The following RALGAPA1 variants were observed in gnomAD, a reference collection of about 807,000 sequenced individuals.
The protein encoded by RALGAPA1 is Ral GTPase activating protein catalytic subunit alpha 1.
In RALGAPA1, 52 loss-of-function variants were observed where a neutral mutation model predicts 269.6. The ratio of observed to expected loss-of-function variants is 0.19; its 90% CI spans 0.15 to 0.24. The LOEUF is 0.24. Ranked by LOEUF, RALGAPA1 falls within the 10% of genes least tolerant of loss-of-function variation. The pLI, the probability that RALGAPA1 is intolerant of heterozygous loss-of-function variation, is 1.00. For missense variants in RALGAPA1, 1,917 were observed against 3,013.9 expected (o/e 0.64, Z 8.52); for synonymous variants, 817 against 1,008.3 (o/e 0.81, Z 3.60).
rs77180474 is a variant in RALGAPA1, at chr14:35,740,469, C to G, written c.1450-1819G>C. ...CACAAAAAAGAAACTGTCTTGTATTCTGTATGTCTTTCAAATGTCTCACAG... is the reference window on the plus strand; with the variant it reads ...CACAAAAAAGAAACTGTCTTGTATTGTGTATGTCTTTCAAATGTCTCACAG... On this transcript the variant is annotated intron_variant, in intron 11 of 41. Transcript: ENST00000680220. 6.5e-3 allele frequency among the ~76,000 whole-genome samples: 988 copies of G among 152,310 alleles called. 14 individuals are homozygous for G. Among genetic ancestry groups the G allele is most frequent in the African/African-American group, 0.023 (959 of 41,570 alleles).
chr14:35,792,446 C>T (rs894388485), intron 1 of RALGAPA1, among the ~76,000 whole-genome samples: 1 of 152,034 alleles, frequency 6.6e-6, no homozygotes, highest in Non-Finnish European at 1.5e-5. Context: ...CATGAACCAC[C>T]ATGCCAGCTA....
intron 1 of RALGAPA1, among the ~76,000 whole-genome samples, chr14:35,799,344 C>G (rs947058554): frequency 6.6e-6 from 1 of 152,008 alleles, no homozygotes; most frequent in African/African-American, 2.4e-5. Flanking sequence ...GGTGGATCAC[C>G]TGAGGTCAGA....
chr14:35,609,928 CAAAAAAA>C (rs534206859), intron 35 of RALGAPA1, among the ~76,000 whole-genome samples: 3 of 58,906 alleles, frequency 5.1e-5, no homozygotes, highest in African/African-American at 6.7e-5. Context: ...ACCCTGTCTC[CAAAAAAA>C]AAAAAAAAGA....
intron 16 of RALGAPA1, among the ~76,000 whole-genome samples, chr14:35,720,501 A>C (rs2069296287): frequency 6.6e-6 from 1 of 152,232 alleles, no homozygotes; most frequent in Admixed American, 6.5e-5. Flanking sequence ...TTACCATTAA[A>C]TACGGATACA....
At chr14:35,636,681 C>G (rs1354559217) in intron 31 of RALGAPA1, among the ~76,000 whole-genome samples, 2 of 152,026 alleles carry the variant, frequency 1.3e-5, no homozygotes, top group African/African-American at 4.8e-5. Flanking sequence ...CCACTGTGCC[C>G]GGCTAAGTTT....
chr14:35,669,292 T>C (rs925633776), intron 26 of RALGAPA1, among the ~76,000 whole-genome samples: 1 of 152,172 alleles, frequency 6.6e-6, no homozygotes, highest in Non-Finnish European at 1.5e-5. Context: ...TTCGCTCTTG[T>C]TGCCCAGGCT....
At chr14:35,803,844 G>C (rs990849682) in intron 1 of RALGAPA1, among the ~76,000 whole-genome samples, 2 of 151,260 alleles carry the variant, frequency 1.3e-5, no homozygotes, top group Non-Finnish European at 2.9e-5. Context: ...GGCTGGTCTC[G>C]AACTCCTGAC....
intron 16 of RALGAPA1, among the ~76,000 whole-genome samples, chr14:35,703,318 A>T (rs1241907135): frequency 1.3e-5 from 2 of 152,124 alleles, no homozygotes; most frequent in Non-Finnish European, 2.9e-5. Context: ...CAAAAAACAA[A>T]AACTAAAACA....
At chr14:35,561,226 CAAAAAAAA>C (rs71124706) in intron 39 of RALGAPA1, among the ~76,000 whole-genome samples, 1 of 36,782 alleles carries the variant, frequency 2.7e-5, no homozygotes, top group Non-Finnish European at 4.1e-5. Flanking sequence ...AACTCTGTCT[CAAAAAAAA>C]AAAAAAAAAA....
chr14:35,571,438 C>T (rs762298448), intron 38 of RALGAPA1, among the ~76,000 whole-genome samples: 79 of 151,824 alleles, frequency 5.2e-4, no homozygotes, highest in Non-Finnish European at 9.7e-4. Context: ...AATCCCAGCA[C>T]TTTGGGAGGC....
At chr14:35,627,049 G>GGA (rs1555380163) in intron 34 of RALGAPA1, 41 bp downstream of exon 34, 21 of 1,130,108 alleles carry the variant, frequency 1.9e-5, no homozygotes, top group Non-Finnish European at 2.3e-5. Flanking sequence ...GAATAAGACC[G>GGA]AAAAAAAAAA....
chr14:35,539,823 A>C, intron 41 of RALGAPA1, 133 bp from the exon 42 acceptor site: 1 of 1,318,046 alleles, frequency 7.6e-7, no homozygotes, highest in Non-Finnish European at 1.0e-6. Context: ...GCAAGCCCCA[A>C]ACTTGCTTGT....
intron 1 of RALGAPA1, among the ~76,000 whole-genome samples, chr14:35,787,034 C>T (rs943266370): frequency 6.6e-6 from 1 of 152,182 alleles, no homozygotes; most frequent in Admixed American, 6.5e-5. Flanking sequence ...GTCCCTGCCC[C>T]ATGAAGCCTT....
intron 1 of RALGAPA1, among the ~76,000 whole-genome samples, chr14:35,793,383 A>C (rs769426409): frequency 2.6e-5 from 4 of 151,902 alleles, no homozygotes; most frequent in Non-Finnish European, 5.9e-5. Flanking sequence ...GATTACAGGC[A>C]TGCACCACCA....
chr14:35,662,254 AG>A (rs2063585782), intron 27 of RALGAPA1, among the ~76,000 whole-genome samples: 1 of 152,228 alleles, frequency 6.6e-6, no homozygotes, highest in Non-Finnish European at 1.5e-5. Flanking sequence ...TGATAAAGAG[AG>A]GCAAGAAGAG....
intron 16 of RALGAPA1, among the ~76,000 whole-genome samples, chr14:35,709,391 A>G (rs887175659): frequency 2.6e-5 from 4 of 152,104 alleles, no homozygotes; most frequent in Non-Finnish European, 5.9e-5. Flanking sequence ...AAGAAATAAT[A>G]AAAGGATCAC....
At chr14:35,763,371 G>C (rs1230733496) in intron 4 of RALGAPA1, among the ~76,000 whole-genome samples, 1 of 151,980 alleles carries the variant, frequency 6.6e-6, no homozygotes, top group Non-Finnish European at 1.5e-5. Context: ...GTATCACTGA[G>C]GCCCAAATCA....
intron 30 of RALGAPA1, among the ~76,000 whole-genome samples, chr14:35,653,432 G>A (rs1310216874): frequency 3.3e-5 from 5 of 152,128 alleles, no homozygotes; most frequent in Non-Finnish European, 7.4e-5. Context: ...AAAGATGAGG[G>A]CACTAGAGAA....
chr14:35,664,868 C>T, intron 26 of RALGAPA1, 101 bp from the exon 27 acceptor site: 1 of 1,025,324 alleles, frequency 9.8e-7, no homozygotes. Flanking sequence ...GGAAGTGATA[C>T]ATAAAACAAA....
Sources: allele counts gnomAD v4.1 joint callset (sites outside exome capture counted in the v4.1 genomes callset), GRCh38; gene constraint gnomAD v4.1.1; transcripts MANE v1.5; gene names NCBI Gene and HGNC (gene_info 2026-07-23, HGNC 2026-07-21).